Variants in ITGAE observed in about 807,000 individuals in gnomAD.
ITGAE encodes the protein integrin alpha-E.
ITGAE carries 99 observed loss-of-function variants against 136.5 expected under a neutral mutation model. That is an observed-to-expected ratio of 0.73 (90% CI 0.62 to 0.86). ITGAE has a LOEUF of 0.86. ITGAE is among the 40% of genes least tolerant of loss of function. The pLI is 0.00. For synonymous variants in ITGAE, 613 were observed against 591.8 expected (o/e 1.04, Z -0.52); for missense variants, 1,447 against 1,515.3 (o/e 0.95, Z 0.75).
At position 3,739,829 on chromosome 17, in the gene ITGAE, A is replaced by G; in HGVS notation, c.2498T>C (p.Leu833Ser). Reference sequence around the variant, plus strand: ...CTGAGAGACGGTGGTGGCCAACTGTAATTCTGCGACACAAAACAGCTTATT... The same window carrying G: ...CTGAGAGACGGTGGTGGCCAACTGTGATTCTGCGACACAAAACAGCTTATT... Reference protein sequence around the residue: ...CKNKLFCVAELQLATTVSQQE... With the variant: ...CKNKLFCVAESQLATTVSQQE... The change falls in exon 20 of 31, where the codon TTA (leucine) becomes TCA (serine). Residue 833 changes from leucine (L) to serine (S), a missense_variant. Transcript: ENST00000263087. 6.2e-7 allele frequency: 1 copy of G among 1,614,112 alleles called. No individual in the cohort carries two copies. Among genetic ancestry groups the G allele is most frequent in the Non-Finnish European group, 8.5e-7 (1 of 1,179,976 alleles).
In ITGAE at chr17:3,714,630, C is replaced by T. The variant is rs1404835441; in HGVS notation, c.*217G>A. ...TATTTCCAGATTAAAGGCACTACTGCAAAGAAAAGTGTAAATTTATTTAAT... is the reference window on the plus strand; with the variant it reads ...TATTTCCAGATTAAAGGCACTACTGTAAAGAAAAGTGTAAATTTATTTAAT... On this transcript the variant is annotated 3_prime_UTR_variant, in exon 31 of 31. Transcript: ENST00000263087. 2.3e-6 allele frequency: 1 copy of T among 431,798 alleles called. No homozygotes were observed. The highest frequency in any genetic ancestry group is 4.2e-5 in the Admixed American group (1 of 23,734). The allele number at this position is 431,798 out of a possible 1,614,324, so 26.7% of individuals were successfully genotyped here.
intron 1 of ITGAE, among the ~76,000 whole-genome samples, chr17:3,796,082 T>C (rs2053082903): frequency 7.5e-6 from 1 of 133,630 alleles, no homozygotes; most frequent in African/African-American, 2.8e-5. Flanking sequence ...TGTGCATCCC[T>C]GTGTATGCAT....
At chr17:3,747,289 G>T (rs543538891) in intron 17 of ITGAE, among the ~76,000 whole-genome samples, 1 of 152,248 alleles carries the variant, frequency 6.6e-6, no homozygotes, top group East Asian at 1.9e-4. Context: ...GCACACACGT[G>T]GGCATGGAGA....
intron 1 of ITGAE, 142 bp from the exon 2 acceptor site, chr17:3,777,802 G>T: frequency 2.0e-6 from 2 of 998,636 alleles, no homozygotes; most frequent in Non-Finnish European, 2.8e-6. Flanking sequence ...GAGAGAGAAA[G>T]ACTAGACGCA....
rs138678134 is a variant in ITGAE at position 3,741,330 on chromosome 17, G to A, written c.2449-1452C>T. On this transcript the variant is annotated intron_variant, in intron 19 of 30. Coordinates refer to ENST00000263087, the MANE Select transcript of ITGAE (RefSeq NM_002208.5). ...TCTCGATCTCCTGACCTCATGATCCGCCAGCCTCGGCCTCCCAAAGTGCTG... is the reference window on the plus strand; with the variant it reads ...TCTCGATCTCCTGACCTCATGATCCACCAGCCTCGGCCTCCCAAAGTGCTG... Among the ~76,000 whole-genome samples the A allele has an allele frequency of 5.0e-3, 756 of 150,104 alleles. 18 individuals carry two copies. The highest frequency in any genetic ancestry group is 0.017 in the African/African-American group (702 of 40,794).
intron 21 of ITGAE, among the ~76,000 whole-genome samples, chr17:3,733,047 G>A (rs567040004): frequency 5.3e-5 from 8 of 152,236 alleles, no homozygotes; most frequent in South Asian, 4.1e-4. Flanking sequence ...GAAGTGGCGC[G>A]ATCTCGGCTC....
chr17:3,718,446 G>A (rs2050983218), intron 29 of ITGAE: 1 of 152,290 alleles, frequency 6.6e-6, no homozygotes, highest in African/African-American at 2.4e-5. Context: ...AAGGACCAAA[G>A]AAGCCAGGCC....
intron 14 of ITGAE, 133 bp from the exon 15 acceptor site, chr17:3,752,007 G>A (rs112052511): frequency 1.3e-4 from 99 of 762,982 alleles, no homozygotes; most frequent in South Asian, 2.4e-4. Flanking sequence ...TCGCTGGGCC[G>A]GTGGGTTCCC....
In ITGAE at chr17:3,717,239, G is replaced by A. The variant is rs368814158; in HGVS notation, c.3334-441C>T. The A allele has an allele frequency of 1.4e-4, 23 of 161,050 alleles. No homozygotes were observed. In the East Asian group the frequency reaches 2.5e-3, roughly 18 times the overall value. 10.0% of individuals were successfully genotyped at this position (161,050 alleles called of 1,614,324 possible). A position where few individuals can be genotyped will look rare whatever the true frequency, so the allele number is the denominator to read the frequency against. On this transcript the variant is annotated intron_variant, in intron 29 of 30. Coordinates refer to ENST00000263087, the MANE Select transcript of ITGAE (RefSeq NM_002208.5). ...AAGTCCTTTCCAACTCCGTTCTGAC[G>A]GCTCTTTTTGATCTTGCACAGATCC...
At chr17:3,797,483 C>T (rs574466195) in intron 1 of ITGAE, among the ~76,000 whole-genome samples, 3 of 132,112 alleles carry the variant, frequency 2.3e-5, no homozygotes, top group Middle Eastern at 4.2e-3. Flanking sequence ...TTTTTTGAGA[C>T]GGTGTCTCTC....
At position 3,751,768 on chromosome 17, in the gene ITGAE, A is replaced by C; in HGVS notation, c.1775T>G (p.Leu592Arg). 1 of 1,614,080 alleles carries C rather than the reference A, an allele frequency of 6.2e-7. No homozygotes were observed. Among genetic ancestry groups the C allele is most frequent in the Non-Finnish European group, 8.5e-7 (1 of 1,179,972 alleles). Reference sequence around the variant, plus strand: ...GGGGGCCCCGATGGCCACATCTGTGAGCTTATCCTGACTGAGATCCCCCAT... The same window carrying C: ...GGGGGCCCCGATGGCCACATCTGTGCGCTTATCCTGACTGAGATCCCCCAT... Reference protein sequence around the residue: ...AAMGDLSQDKLTDVAIGAPLE... With the variant: ...AAMGDLSQDKRTDVAIGAPLE... The change falls in exon 15 of 31, where the codon CTC becomes CGC. Residue 592 changes from leucine (L) to arginine (R), a missense_variant. By Grantham distance (102) the Leu-to-Arg change is moderately radical. Around this residue, in one of 3 missense-constraint regions of ITGAE, gnomAD observed 1,031 missense variants for 1,011.4 expected, o/e 1.02. Coordinates refer to ENST00000263087, the MANE Select transcript of ITGAE (RefSeq NM_002208.5).
chr17:3,782,297 A>C lies in ITGAE; in HGVS notation c.35-4637T>G, dbSNP rs57093156. ...CTCAAAAAAAAAAAAAAAAAAAAAA[A>C]AAAAGCATGGTCTGACCATGCCACT... On this transcript the variant is annotated intron_variant, in intron 1 of 30. Transcript: ENST00000263087. Among the ~76,000 whole-genome samples the C allele has an allele frequency of 2.9e-4, 34 of 115,884 alleles. 1 individual carries two copies. The highest frequency in any genetic ancestry group is 4.2e-4 in the Admixed American group (5 of 11,894). 76.0% of individuals were successfully genotyped at this position (115,884 alleles called of 152,430 possible).
intron 17 of ITGAE, among the ~76,000 whole-genome samples, chr17:3,747,455 T>A (rs1253951702): frequency 6.6e-6 from 1 of 152,048 alleles, no homozygotes; most frequent in Non-Finnish European, 1.5e-5. Context: ...GTAGCTGGGA[T>A]TACAGGCACC....
chr17:3,751,151 C>T (rs555585507), intron 15 of ITGAE, among the ~76,000 whole-genome samples: 7 of 151,890 alleles, frequency 4.6e-5, no homozygotes, highest in Admixed American at 1.3e-4. Context: ...TCAGATGGGC[C>T]GTGTGGGAGT....
At chr17:3,794,856 G>A (rs1167643569) in intron 1 of ITGAE, among the ~76,000 whole-genome samples, 3 of 152,150 alleles carry the variant, frequency 2.0e-5, no homozygotes, top group South Asian at 2.1e-4. Flanking sequence ...TTTCACTGTC[G>A]GTATAACTGA....
intron 30 of ITGAE, among the ~76,000 whole-genome samples, chr17:3,715,176 G>C (rs895413108): frequency 6.6e-6 from 1 of 152,116 alleles, no homozygotes. Flanking sequence ...CTGCTCTCCC[G>C]AGCAGCTGAA....
chr17:3,790,590 G>A (rs112069843), intron 1 of ITGAE, among the ~76,000 whole-genome samples: 13 of 152,254 alleles, frequency 8.5e-5, no homozygotes, highest in African/African-American at 2.6e-4. Flanking sequence ...CAACTGCTTA[G>A]AGTGTGCTCG....
intron 1 of ITGAE, among the ~76,000 whole-genome samples, chr17:3,789,436 T>C (rs998751159): frequency 6.6e-6 from 1 of 151,830 alleles, no homozygotes; most frequent in Non-Finnish European, 1.5e-5. Context: ...TAAGTTTTCC[T>C]TCCTTCCTTC....
intron 1 of ITGAE, among the ~76,000 whole-genome samples, chr17:3,781,797 T>C (rs549935565): frequency 2.0e-5 from 3 of 152,290 alleles, no homozygotes; most frequent in South Asian, 4.1e-4. Context: ...TCTTAACCCA[T>C]AGTTTGGAAA....
Sources: gnomAD v4.1 joint callset for allele counts (sites outside exome capture counted in the v4.1 genomes callset) on GRCh38, gnomAD v4.1.1 for gene constraint, gnomAD v4.1.1 regional missense constraint, MANE v1.5 for transcripts, NCBI Gene and HGNC (gene_info 2026-07-23, HGNC 2026-07-21) for gene names.